Variants in USP34 observed in about 807,000 individuals in gnomAD.
USP34 encodes ubiquitin carboxyl-terminal hydrolase 34.
Under a neutral mutation model 460.3 loss-of-function variants are expected in USP34, and 70 were observed. That is an observed-to-expected ratio of 0.15 (90% CI 0.13 to 0.19). The LOEUF (loss-of-function observed/expected upper bound fraction) is 0.19, where lower values mean the gene tolerates loss of function less well. USP34 is among the 10% of genes least tolerant of loss of function. USP34 has a pLI of 1.00. For missense variants in USP34, 3,985 were observed against 4,236.2 expected, an observed-to-expected ratio of 0.94 and a Z score of 1.65; for synonymous variants, 1,647 against 1,405.3, an observed-to-expected ratio of 1.17 and a Z score of -3.85.
chr2:61,241,534 G>A (rs1342501260), intron 53 of USP34, 26 bp downstream of exon 53: 2 of 1,528,978 alleles, frequency 1.3e-6, no homozygotes, highest in Non-Finnish European at 1.8e-6. Context: ...TTTTTAAAAT[G>A]TTGCTCAAAT....
chr2:61,363,555 A>G (rs550700908), intron 10 of USP34, among the ~76,000 whole-genome samples: 2 of 152,242 alleles, frequency 1.3e-5, no homozygotes. Flanking sequence ...ATAACACAGA[A>G]AAAGTAATTT....
At chr2:61,202,880 G>C (rs1403346542) in intron 75 of USP34, among the ~76,000 whole-genome samples, 1 of 152,008 alleles carries the variant, frequency 6.6e-6, no homozygotes, top group Non-Finnish European at 1.5e-5. Context: ...GAGGATGTGG[G>C]CTTCTATGTA....
intron 1 of USP34, among the ~76,000 whole-genome samples, chr2:61,422,716 G>A (rs148873301): frequency 1.3e-5 from 2 of 152,298 alleles, no homozygotes; most frequent in East Asian, 3.9e-4. Context: ...GATTACACAA[G>A]AAGAACTGTT....
intron 2 of USP34, among the ~76,000 whole-genome samples, chr2:61,419,260 A>G (rs559732197): frequency 3.5e-4 from 53 of 151,704 alleles, no homozygotes; most frequent in African/African-American, 1.3e-3. Flanking sequence ...GGCTCAAGTG[A>G]TCCTCCACCT....
chr2:61,342,860 A>C (rs913657535), intron 16 of USP34, among the ~76,000 whole-genome samples: 2 of 152,246 alleles, frequency 1.3e-5, no homozygotes, highest in African/African-American at 4.8e-5. Flanking sequence ...TATTGATTAA[A>C]GGAAAATTTG....
intron 41 of USP34, among the ~76,000 whole-genome samples, chr2:61,273,799 A>G (rs1052396895): frequency 3.3e-5 from 5 of 152,340 alleles, no homozygotes; most frequent in South Asian, 4.1e-4. Flanking sequence ...AAACAAATCA[A>G]TAAGATGAAA....
chr2:61,292,664 A>G (rs72886818), intron 33 of USP34, among the ~76,000 whole-genome samples: 128 of 152,254 alleles, frequency 8.4e-4, no homozygotes, highest in African/African-American at 2.8e-3. Context: ...AAAAAGCAAA[A>G]CAAAACAAAA....
At chr2:61,421,078 C>G (rs1694340617) in intron 1 of USP34, among the ~76,000 whole-genome samples, 1 of 152,176 alleles carries the variant, frequency 6.6e-6, no homozygotes, top group Admixed American at 6.6e-5. Context: ...CTCTCATCTC[C>G]AAAACCAGCC....
chr2:61,215,178 A>G (rs759088293), intron 67 of USP34, among the ~76,000 whole-genome samples: 2 of 152,208 alleles, frequency 1.3e-5, no homozygotes, highest in Non-Finnish European at 2.9e-5. Context: ...GTTATAAAGA[A>G]AGAAATAGAT....
chr2:61,245,719 A>G (rs1456138325), intron 50 of USP34, among the ~76,000 whole-genome samples: 2 of 152,128 alleles, frequency 1.3e-5, no homozygotes, highest in Non-Finnish European at 2.9e-5. Flanking sequence ...AAGGAGTGAA[A>G]AATAACTCAA....
intron 10 of USP34, among the ~76,000 whole-genome samples, chr2:61,350,911 C>A (rs1404127247): frequency 1.3e-5 from 2 of 152,130 alleles, no homozygotes; most frequent in African/African-American, 4.8e-5. Context: ...AAACAAATGA[C>A]AAGCTGAATT....
At chr2:61,470,126 G>C (rs1695903432) in intron 1 of USP34, among the ~76,000 whole-genome samples, 1 of 152,166 alleles carries the variant, frequency 6.6e-6, no homozygotes, top group African/African-American at 2.4e-5. Flanking sequence ...TTAAGGTCTG[G>C]CTGAAGTGTT....
intron 3 of USP34, among the ~76,000 whole-genome samples, chr2:61,397,760 G>A (rs534934019): frequency 6.8e-4 from 103 of 152,192 alleles, no homozygotes; most frequent in African/African-American, 2.4e-3. Flanking sequence ...TTAGCTGGGC[G>A]TGGTGGCACA....
chr2:61,193,545 G>T (rs1363797257), intron 75 of USP34, among the ~76,000 whole-genome samples: 2 of 152,124 alleles, frequency 1.3e-5, no homozygotes, highest in African/African-American at 4.8e-5. Context: ...ATGTCAGAGA[G>T]TGCTATTTGG....
At chr2:61,214,825 T>C (rs1035204805) in intron 67 of USP34, 131 bp from the exon 68 acceptor site, 3 of 1,078,172 alleles carry the variant, frequency 2.8e-6, no homozygotes, top group Admixed American at 3.3e-5. Context: ...ACATCTCTTT[T>C]AGTATCTTTC....
intron 27 of USP34, among the ~76,000 whole-genome samples, chr2:61,306,534 G>T (rs940887985): frequency 2.0e-5 from 3 of 152,148 alleles, no homozygotes; most frequent in Non-Finnish European, 4.4e-5. Context: ...TTTGGCTTAG[G>T]ATTGTCTTGG....
intron 3 of USP34, among the ~76,000 whole-genome samples, chr2:61,402,930 G>A (rs1053988041): frequency 6.6e-6 from 1 of 152,046 alleles, no homozygotes; most frequent in Admixed American, 6.6e-5. Flanking sequence ...TGAAACAGTT[G>A]ACCCTTACCG....
At chr2:61,437,138 A>G (rs1694836093) in intron 1 of USP34, among the ~76,000 whole-genome samples, 1 of 152,196 alleles carries the variant, frequency 6.6e-6, no homozygotes, top group Non-Finnish European at 1.5e-5. Context: ...AAGGAACCAA[A>G]AAGAACAAAA....
At chr2:61,406,167 C>A in intron 2 of USP34, 39 bp from the exon 3 acceptor site, 2 of 1,422,230 alleles carry the variant, frequency 1.4e-6, no homozygotes, top group Admixed American at 2.8e-5. Context: ...AGTAATAAAG[C>A]AGCAGCTGTA....
Sources: allele counts gnomAD v4.1 joint callset (sites outside exome capture counted in the v4.1 genomes callset), GRCh38; gene constraint gnomAD v4.1.1; transcripts MANE v1.5; gene names NCBI Gene and HGNC (gene_info 2026-07-23, HGNC 2026-07-21).